The following SUMF1 variants were observed in gnomAD, a reference collection of about 807,000 sequenced individuals.
The protein encoded by SUMF1 is formylglycine-generating enzyme.
In SUMF1, 48 loss-of-function variants were observed where a neutral mutation model predicts 47.6. The ratio of observed to expected loss-of-function variants is 1.01; its 90% CI spans 0.80 to 1.28. The LOEUF (loss-of-function observed/expected upper bound fraction) is 1.28. Among genes scored for constraint, SUMF1 ranks in the 50% most tolerant of loss-of-function variants. The pLI, the probability that SUMF1 is intolerant of heterozygous loss-of-function variation, is 0.00. For synonymous variants in SUMF1, 230 were observed against 192.1 expected (o/e 1.20, Z -1.63); for missense variants, 571 against 485.4 (o/e 1.18, Z -1.66).
At chr3:4,138,893 G>C (rs991527870) in intron 8 of SUMF1, among the ~76,000 whole-genome samples, 1 of 151,978 alleles carries the variant, frequency 6.6e-6, no homozygotes, top group Non-Finnish European at 1.5e-5. Context: ...CGATGTTCTT[G>C]AGGCTATTTA....
At chr3:4,141,924 G>A (rs1400952636) in intron 8 of SUMF1, among the ~76,000 whole-genome samples, 2 of 151,770 alleles carry the variant, frequency 1.3e-5, no homozygotes, top group Non-Finnish European at 2.9e-5. Flanking sequence ...GAACCCACAT[G>A]TTTTCAAAAA....
chr3:4,058,880 T>C (rs1031938600), intron 9 of SUMF1, among the ~76,000 whole-genome samples: 1 of 152,170 alleles, frequency 6.6e-6, no homozygotes, highest in Admixed American at 6.6e-5. Flanking sequence ...GTGCATTTAA[T>C]TTTCAATTTG....
At chr3:4,367,542 A>G (rs929790018) in intron 8 of SUMF1, among the ~76,000 whole-genome samples, 1 of 151,814 alleles carries the variant, frequency 6.6e-6, no homozygotes, top group Non-Finnish European at 1.5e-5. Context: ...ATCCTAAGCC[A>G]AAAGAACAAA....
intron 9 of SUMF1, among the ~76,000 whole-genome samples, chr3:4,047,217 C>T (rs28668743): frequency 0.2 from 29,648 of 151,928 alleles, 4,511 homozygotes; most frequent in African/African-American, 0.42. Context: ...TTATTCTTTG[C>T]CATTGTACTC....
At chr3:4,314,060 C>A in intron 8 of SUMF1, 1 of 496,764 alleles carries the variant, frequency 2.0e-6, no homozygotes, top group Non-Finnish European at 3.6e-6. Flanking sequence ...CCTCCTCTTT[C>A]TTCCTGCTGG....
chr3:4,395,571 C>T (rs1022649530), intron 7 of SUMF1, among the ~76,000 whole-genome samples: 1 of 152,096 alleles, frequency 6.6e-6, no homozygotes, highest in Non-Finnish European at 1.5e-5. Context: ...GTAAAACACA[C>T]GAATCAAATT....
intron 8 of SUMF1, among the ~76,000 whole-genome samples, chr3:4,208,042 G>C (rs1021811085): frequency 2.0e-5 from 3 of 152,122 alleles, no homozygotes; most frequent in Non-Finnish European, 4.4e-5. Flanking sequence ...TCTGGCAGGG[G>C]TTGGGGAAAA....
intron 8 of SUMF1, among the ~76,000 whole-genome samples, chr3:4,171,746 G>C (rs1021910989): frequency 3.9e-5 from 6 of 152,108 alleles, no homozygotes; most frequent in Admixed American, 1.3e-4. Context: ...AGGAGATGGA[G>C]TTGTAGGCTG....
In SUMF1 at chr3:4,214,734, A is replaced by T. The variant is rs193297499; in HGVS notation, c.1015-145989T>A. On this transcript the variant is annotated intron_variant and NMD_transcript_variant, in intron 8 of 12. Transcript: ENST00000448413. The stretch of plus-strand genomic sequence containing the variant: ...GGGATATTACCACTGATCCCACAGA[A>T]ATCCAAACCACCATCAGAGATTACT... Among the ~76,000 whole-genome samples, 9 of 152,260 alleles carry T rather than the reference A, an allele frequency of 5.9e-5. No individual in the cohort carries two copies. In the East Asian group the frequency reaches 1.7e-3, roughly 29 times the overall value.
chr3:4,279,670 G>T (rs1195667387), intron 8 of SUMF1, among the ~76,000 whole-genome samples: 1 of 151,948 alleles, frequency 6.6e-6, no homozygotes, highest in Non-Finnish European at 1.5e-5. Flanking sequence ...AAAAAATAAA[G>T]CCATGTTGTG....
At chr3:4,448,245 T>G (rs911423859) in intron 3 of SUMF1, among the ~76,000 whole-genome samples, 2 of 152,194 alleles carry the variant, frequency 1.3e-5, no homozygotes, top group African/African-American at 4.8e-5. Flanking sequence ...CCCACATTTT[T>G]CTATATTAAA....
chr3:4,220,952 T>C (rs748987540), intron 8 of SUMF1, among the ~76,000 whole-genome samples: 1 of 152,166 alleles, frequency 6.6e-6, no homozygotes, highest in Non-Finnish European at 1.5e-5. Flanking sequence ...CAGAGTCTCA[T>C]GCTACAGCAG....
intron 8 of SUMF1, among the ~76,000 whole-genome samples, chr3:4,151,435 A>G (rs1186484201): frequency 6.9e-6 from 1 of 145,626 alleles, no homozygotes; most frequent in African/African-American, 2.6e-5. Context: ...ATACATGTGT[A>G]TATATGTATA....
downstream of SUMF1, among the ~76,000 whole-genome samples, chr3:4,357,821 T>C (rs1365679588): frequency 1.3e-5 from 2 of 151,954 alleles, no homozygotes; most frequent in Non-Finnish European, 2.9e-5. Flanking sequence ...TTGGCCAGGT[T>C]AGTCATGAAC....
At position 4,313,723 on chromosome 3, in the gene SUMF1, C is replaced by T. The variant is rs1249464850; in HGVS notation, c.1014+62607G>A. 3.1e-6 allele frequency: 5 copies of T among 1,613,876 alleles called. No individual in the cohort carries two copies. The highest frequency in any genetic ancestry group is 4.2e-6 in the Non-Finnish European group (5 of 1,179,972). On this transcript the variant is annotated intron_variant and NMD_transcript_variant, in intron 8 of 12. Transcript: ENST00000448413. The stretch of plus-strand genomic sequence containing the variant: ...GGAACCCAGCATGTGTGGCTCAGCC[C>T]CTTCTGTGTTCCCCTCCTGCAAGCG...
intron 3 of SUMF1, among the ~76,000 whole-genome samples, chr3:4,425,624 GT>G (rs1399394431): frequency 2.0e-5 from 3 of 152,130 alleles, no homozygotes; most frequent in African/African-American, 7.2e-5. Flanking sequence ...TCAAGAAGAT[GT>G]ACCATCTTCC....
intron 8 of SUMF1, among the ~76,000 whole-genome samples, chr3:4,173,346 GT>G (rs1215132119): frequency 1.1e-4 from 16 of 152,130 alleles, no homozygotes; most frequent in Non-Finnish European, 1.9e-4. Flanking sequence ...TCTCATGCCA[GT>G]TAGAATGGTG....
At chr3:4,379,259 AC>A (rs1700423608) in intron 7 of SUMF1, among the ~76,000 whole-genome samples, 1 of 152,194 alleles carries the variant, frequency 6.6e-6, no homozygotes, top group African/African-American at 2.4e-5. Flanking sequence ...GGAAATAGGA[AC>A]TTTGCAGACT....
intron 8 of SUMF1, among the ~76,000 whole-genome samples, chr3:4,143,990 T>C (rs893820480): frequency 8.7e-5 from 10 of 114,400 alleles, no homozygotes; most frequent in East Asian, 3.0e-4. Flanking sequence ...TTCTCTCTCT[T>C]TTTTTTTTTT....
Sources: gnomAD v4.1 joint callset for allele counts (sites outside exome capture counted in the v4.1 genomes callset) on GRCh38, gnomAD v4.1.1 for gene constraint, MANE v1.5 for transcripts, NCBI Gene and HGNC (gene_info 2026-07-23, HGNC 2026-07-21) for gene names.